SLC9B1: variants seen among roughly 807,000 people sequenced by gnomAD.
SLC9B1 encodes sodium/hydrogen exchanger 9B1.
A neutral mutation model predicts 51.7 loss-of-function variants in SLC9B1; 32 were observed. The ratio of observed to expected loss-of-function variants is 0.62; its 90% CI spans 0.47 to 0.83. SLC9B1 has a LOEUF of 0.83. Ranked by LOEUF, SLC9B1 falls within the 40% of genes least tolerant of loss-of-function variation. The probability of loss-of-function intolerance (pLI) is 0.00; values close to 1 mark genes in which losing one functional copy is unlikely to be tolerated. For synonymous variants in SLC9B1, 145 were observed against 212.7 expected, an observed-to-expected ratio of 0.68 and a Z score of 2.77; for missense variants, 406 against 613.2, an observed-to-expected ratio of 0.66 and a Z score of 3.57.
At chr4:102,900,320 C>A (rs1734726137), downstream of SLC9B1, among the ~76,000 whole-genome samples, 1 of 152,088 alleles carries the variant, frequency 6.6e-6, no homozygotes, top group Non-Finnish European at 1.5e-5. Flanking sequence ...TTTAATCAGC[C>A]AGAATTAAAA....
At chr4:102,969,818 T>C (rs930866679) in intron 3 of SLC9B1, among the ~76,000 whole-genome samples, 1 of 152,072 alleles carries the variant, frequency 6.6e-6, no homozygotes, top group African/African-American at 2.4e-5. Context: ...CTGAAAACCA[T>C]GGCATGAGAA....
chr4:102,938,024 CAATATT>C (rs901085774), intron 6 of SLC9B1, among the ~76,000 whole-genome samples: 2 of 152,004 alleles, frequency 1.3e-5, no homozygotes, highest in Non-Finnish European at 2.9e-5. Flanking sequence ...CTATAAATAT[CAATATT>C]AACTGTGAAT....
At chr4:102,948,968 A>G (rs1410672827) in intron 4 of SLC9B1, among the ~76,000 whole-genome samples, 1 of 152,182 alleles carries the variant, frequency 6.6e-6, no homozygotes, top group East Asian at 1.9e-4. Context: ...TAAAATTTTT[A>G]AAGATTCTAT....
chr4:102,899,194 G>A (rs969668003), downstream of SLC9B1, among the ~76,000 whole-genome samples: 3 of 150,602 alleles, frequency 2.0e-5, no homozygotes, highest in East Asian at 1.9e-4. Context: ...TTAAAAGGGC[G>A]ACTATTTCAG....
At chr4:102,935,524 T>G (rs1467300552) in intron 6 of SLC9B1, among the ~76,000 whole-genome samples, 1 of 152,210 alleles carries the variant, frequency 6.6e-6, no homozygotes, top group Non-Finnish European at 1.5e-5. Flanking sequence ...AAAATGCTAT[T>G]TTTGTTATAA....
chr4:102,934,907 A>G (rs1036314375), intron 6 of SLC9B1, among the ~76,000 whole-genome samples: 4 of 152,220 alleles, frequency 2.6e-5, no homozygotes, highest in African/African-American at 9.6e-5. Context: ...TTCAAAAGCA[A>G]CTTCAAAAGT....
intron 3 of SLC9B1, among the ~76,000 whole-genome samples, chr4:102,975,168 A>G (rs1260071260): frequency 6.6e-6 from 1 of 152,080 alleles, no homozygotes; most frequent in Non-Finnish European, 1.5e-5. Flanking sequence ...TGCCTAGCTA[A>G]TTTTAAAAAA....
rs1213210195 is a variant in SLC9B1, at chr4:102,911,667, C to A, written c.830-130G>T. On this transcript the variant is annotated intron_variant, in intron 7 of 11. Coordinates refer to ENST00000296422, the MANE Select transcript of SLC9B1 (RefSeq NM_139173.4). ...TATAGAACAAATATATGCAAATGGT[C>A]TTTTTATAGTGACATATATGAAAAC... is the stretch of plus-strand genomic sequence containing the variant. 4.1e-5 allele frequency: 24 copies of A among 585,882 alleles called. No individual in the cohort carries two copies. The South Asian group carries it at 4.6e-4, about 11-fold the overall frequency. 36.3% of individuals were successfully genotyped at this position (585,882 alleles called of 1,614,324 possible). A position where few individuals can be genotyped will look rare whatever the true frequency, so the allele number is the denominator to read the frequency against.
At chr4:103,005,347 A>G (rs1414352366) in intron 1 of SLC9B1, among the ~76,000 whole-genome samples, 1 of 152,138 alleles carries the variant, frequency 6.6e-6, no homozygotes, top group Admixed American at 6.6e-5. Context: ...TGATGAAAAA[A>G]GATGACAAAG....
At chr4:102,910,035 A>C (rs910487567) in intron 9 of SLC9B1, among the ~76,000 whole-genome samples, 15 of 152,010 alleles carry the variant, frequency 9.9e-5, no homozygotes, top group African/African-American at 3.6e-4. Context: ...CACTGGTCTC[A>C]AACTCCTGAC....
intron 3 of SLC9B1, among the ~76,000 whole-genome samples, chr4:102,959,291 A>G (rs1323260348): frequency 6.6e-6 from 1 of 152,058 alleles, no homozygotes; most frequent in African/African-American, 2.4e-5. Context: ...AAAGAAGAAA[A>G]CATAAGTGTA....
At chr4:102,929,432 A>C (rs1736340176) in intron 7 of SLC9B1, among the ~76,000 whole-genome samples, 2 of 152,240 alleles carry the variant, frequency 1.3e-5, no homozygotes, top group African/African-American at 4.8e-5. Flanking sequence ...AACTTAGAAC[A>C]AGAGCCAAGC....
intron 3 of SLC9B1, among the ~76,000 whole-genome samples, chr4:102,980,036 C>A (rs1739275532): frequency 6.6e-6 from 1 of 152,120 alleles, no homozygotes; most frequent in Non-Finnish European, 1.5e-5. Flanking sequence ...CAAATCAAAA[C>A]CACAATGATT....
At chr4:102,917,429 G>A (rs1052202687) in intron 7 of SLC9B1, among the ~76,000 whole-genome samples, 14 of 139,324 alleles carry the variant, frequency 1.0e-4, no homozygotes, top group Non-Finnish European at 1.9e-4. Flanking sequence ...TTATATGCAT[G>A]TATCTATATC....
chr4:102,910,691 A>G, intron 8 of SLC9B1, 103 bp from the exon 9 acceptor site: 1 of 503,420 alleles, frequency 2.0e-6, no homozygotes, highest in Non-Finnish European at 3.0e-6. Context: ...TTATGTCTTT[A>G]AATGTTATAT....
intron 3 of SLC9B1, among the ~76,000 whole-genome samples, chr4:102,975,326 G>GTCACCCCATGTT (rs1738999425): frequency 2.0e-5 from 3 of 151,958 alleles, no homozygotes; most frequent in African/African-American, 7.3e-5. Context: ...GTTTTAATAA[G>GTCACCCCATGTT]TCACCCCATG....
chr4:102,998,268 T>C (rs1740329959), intron 1 of SLC9B1, among the ~76,000 whole-genome samples: 1 of 152,196 alleles, frequency 6.6e-6, no homozygotes, highest in Non-Finnish European at 1.5e-5. Flanking sequence ...AGTCATACAA[T>C]ATTTGCCCTT....
Position 103,019,691 on chromosome 4 carries a change from T to C in SLC9B1, c.-94A>G. On this transcript the variant is annotated 5_prime_UTR_variant, in exon 1 of 12. Transcript: ENST00000296422. ...CCACGCGCCACCCAGGTGGGCAGGG[T>C]GGTGACGCGAAAGCCCGGATAGACT... 1.0e-6 allele frequency: 1 copy of C among 985,038 alleles called. No homozygotes were observed. Among genetic ancestry groups the C allele is most frequent in the Non-Finnish European group, 1.2e-6 (1 of 829,882 alleles). The allele number at this position is 985,038 out of a possible 1,614,324, so 61.0% of individuals were successfully genotyped here.
chr4:103,010,372 T>TA (rs1741031417), intron 1 of SLC9B1, among the ~76,000 whole-genome samples: 1 of 152,128 alleles, frequency 6.6e-6, no homozygotes. Flanking sequence ...TATAATGAAA[T>TA]TAACCTCACC....
Sources: gnomAD v4.1 joint callset for allele counts (sites outside exome capture counted in the v4.1 genomes callset) on GRCh38, gnomAD v4.1.1 for gene constraint, MANE v1.5 for transcripts, NCBI Gene and HGNC (gene_info 2026-07-23, HGNC 2026-07-21) for gene names.